TBC1D22A: variants seen among roughly 807,000 people sequenced by gnomAD.
TBC1D22A encodes TBC1 domain family member 22A.
In TBC1D22A, 38 loss-of-function variants were observed where a neutral mutation model predicts 60.2. That is an observed-to-expected ratio of 0.63 (90% CI 0.49 to 0.83). TBC1D22A has a LOEUF of 0.83. TBC1D22A is among the 40% of genes least tolerant of loss of function. The probability of loss-of-function intolerance (pLI) is 0.00; values close to 1 mark genes in which losing one functional copy is unlikely to be tolerated. For synonymous variants in TBC1D22A, 302 were observed against 281.7 expected (o/e 1.07, Z -0.72); for missense variants, 628 against 701.0 (o/e 0.90, Z 1.18).
chr22:46,959,746 C>A (rs943119931), intron 8 of TBC1D22A, among the ~76,000 whole-genome samples: 3 of 152,188 alleles, frequency 2.0e-5, no homozygotes, highest in Admixed American at 6.5e-5. Flanking sequence ...CAGCCTGGCA[C>A]CCGTCAGTTC....
chr22:47,159,674 CAT>C (rs1207438252), intron 12 of TBC1D22A, among the ~76,000 whole-genome samples: 2 of 151,736 alleles, frequency 1.3e-5, no homozygotes, highest in East Asian at 3.9e-4. Flanking sequence ...CACACATGCA[CAT>C]AGACACGCCA....
rs2147262512 is a variant in TBC1D22A at position 46,848,085 on chromosome 22, G to T, written c.638-30568G>T. On this transcript the variant is annotated intron_variant, in intron 4 of 12. Coordinates refer to ENST00000337137, the MANE Select transcript of TBC1D22A (RefSeq NM_014346.5). ...GGGTTGGGAAACTATTAAATAGTTG[G>T]GAGAGTGATCTAAGTTAGTTGGATG... 1.3e-5 allele frequency among the ~76,000 whole-genome samples: 2 copies of T among 152,342 alleles called. 1 individual carries two copies. The highest frequency in any genetic ancestry group is 4.1e-4 in the South Asian group (2 of 4,828).
intron 4 of TBC1D22A, among the ~76,000 whole-genome samples, chr22:46,829,066 C>T (rs552217018): frequency 6.6e-6 from 1 of 152,346 alleles, no homozygotes; most frequent in East Asian, 1.9e-4. Context: ...CTCCACATTT[C>T]TGCTGGTGGT....
intron 12 of TBC1D22A, among the ~76,000 whole-genome samples, chr22:47,127,898 G>A (rs903196421): frequency 1.3e-4 from 19 of 149,186 alleles, no homozygotes; most frequent in Admixed American, 1.1e-3. Context: ...GCCTTGAGGA[G>A]CCCCCTGAGG....
intron 1 of TBC1D22A, among the ~76,000 whole-genome samples, chr22:46,784,663 A>T (rs1273241563): frequency 2.6e-5 from 4 of 152,132 alleles, no homozygotes; most frequent in African/African-American, 9.7e-5. Flanking sequence ...CTTTTTTTTT[A>T]AAAAGGACAT....
intron 12 of TBC1D22A, among the ~76,000 whole-genome samples, chr22:47,123,481 G>A (rs762751750): frequency 2.0e-5 from 3 of 152,332 alleles, no homozygotes; most frequent in Middle Eastern, 3.4e-3. Context: ...GTCCATTGCT[G>A]TCTTGAGTCA....
In TBC1D22A at chr22:46,854,057, T is replaced by C. The variant is rs117392178; in HGVS notation, c.638-24596T>C. On this transcript the variant is annotated intron_variant, in intron 4 of 12. Transcript: ENST00000337137. ...GTGGACTCTTTCTCCTTCACACCCA[T>C]GTGCGTTTCTGGACTTCTTGTTTTA... 1.9e-3 allele frequency among the ~76,000 whole-genome samples: 290 copies of C among 152,246 alleles called. 7 individuals carry two copies. Among genetic ancestry groups the C allele is most frequent in the East Asian group, 0.012 (64 of 5,178 alleles).
rs1228900814 is a variant in TBC1D22A at position 47,080,026 on chromosome 22, G to T, written c.1330-31482G>T. Among the ~76,000 whole-genome samples, 4 of 152,308 alleles carry T rather than the reference G, an allele frequency of 2.6e-5. No individual in the cohort carries two copies. The South Asian group carries it at 8.3e-4, about 32-fold the overall frequency. Reference sequence around the variant, plus strand: ...AGACATACTTTGGCATACTACCACAGCTAAAGAAGGACTTTTTTCTTTTTT... The same window carrying T: ...AGACATACTTTGGCATACTACCACATCTAAAGAAGGACTTTTTTCTTTTTT... On this transcript the variant is annotated intron_variant, in intron 11 of 12. Transcript: ENST00000337137.
At chr22:47,047,352 C>T (rs1207042795) in intron 11 of TBC1D22A, among the ~76,000 whole-genome samples, 1 of 152,232 alleles carries the variant, frequency 6.6e-6, no homozygotes, top group Non-Finnish European at 1.5e-5. Flanking sequence ...TGAATTGTAT[C>T]TTTGTGGCCG....
rs6007984 is a variant in TBC1D22A, at chr22:46,886,905, A to G, written c.709-4361A>G. Among the ~76,000 whole-genome samples the G allele has an allele frequency of 5.9e-3, 900 of 152,336 alleles. 15 individuals are homozygous for G. The highest frequency in any genetic ancestry group is 0.02 in the African/African-American group (852 of 41,570). Reference sequence around the variant, plus strand: ...GTCCAGCAAAATTTTATTTACACAAATAGGTGGTGGGCCGTAGTTTGCTGA... The same window carrying G: ...GTCCAGCAAAATTTTATTTACACAAGTAGGTGGTGGGCCGTAGTTTGCTGA... On this transcript the variant is annotated intron_variant, in intron 5 of 12. Coordinates refer to ENST00000337137, the MANE Select transcript of TBC1D22A (RefSeq NM_014346.5).
chr22:46,819,052 A>G (rs1450350965), intron 4 of TBC1D22A, among the ~76,000 whole-genome samples: 5 of 152,156 alleles, frequency 3.3e-5, no homozygotes, highest in African/African-American at 9.7e-5. Flanking sequence ...GTTGGTGTAA[A>G]GGAATACTTG....
At chr22:47,172,955 C>G (rs2147242636) in intron 12 of TBC1D22A, among the ~76,000 whole-genome samples, 1 of 152,342 alleles carries the variant, frequency 6.6e-6, no homozygotes, top group Non-Finnish European at 1.5e-5. Flanking sequence ...GGTGCTGGTG[C>G]CCGGAGGGGT....
intron 3 of TBC1D22A, among the ~76,000 whole-genome samples, chr22:46,794,504 A>G: frequency 6.6e-6 from 1 of 152,156 alleles, no homozygotes; most frequent in East Asian, 1.9e-4. Flanking sequence ...TCTGTGATGG[A>G]AAAGCTGCAT....
intron 5 of TBC1D22A, among the ~76,000 whole-genome samples, chr22:46,880,486 T>C (rs996478415): frequency 6.6e-6 from 1 of 152,184 alleles, no homozygotes; most frequent in Admixed American, 6.5e-5. Context: ...CGTTGACTTA[T>C]GAAGGGACAG....
At chr22:47,096,399 C>A (rs182483832) in intron 11 of TBC1D22A, among the ~76,000 whole-genome samples, 1 of 152,168 alleles carries the variant, frequency 6.6e-6, no homozygotes, top group African/African-American at 2.4e-5. Context: ...GGATACGAAT[C>A]CTTTGTCAGT....
intron 8 of TBC1D22A, among the ~76,000 whole-genome samples, chr22:46,959,717 C>T (rs1284726526): frequency 5.3e-5 from 8 of 152,154 alleles, no homozygotes; most frequent in African/African-American, 1.4e-4. Context: ...AGCCCAGCCG[C>T]GCCTCCTGGC....
intron 7 of TBC1D22A, among the ~76,000 whole-genome samples, chr22:46,895,578 G>A (rs1375836916): frequency 6.6e-6 from 1 of 152,108 alleles, no homozygotes; most frequent in African/African-American, 2.4e-5. Context: ...TGCCTTGTTG[G>A]CCAGGCTGGT....
intron 7 of TBC1D22A, among the ~76,000 whole-genome samples, chr22:46,906,649 C>T (rs1036463464): frequency 9.2e-5 from 14 of 152,182 alleles, no homozygotes; most frequent in Admixed American, 5.9e-4. Context: ...AAAGAAACAG[C>T]TCTCCACCTA....
intron 12 of TBC1D22A, among the ~76,000 whole-genome samples, chr22:47,113,725 C>A (rs544365331): frequency 6.6e-6 from 1 of 152,358 alleles, no homozygotes; most frequent in Non-Finnish European, 1.5e-5. Flanking sequence ...CAGACACACA[C>A]TGGCCGTGGG....
Sources: gnomAD v4.1 joint callset for allele counts (sites outside exome capture counted in the v4.1 genomes callset) on GRCh38, gnomAD v4.1.1 for gene constraint, MANE v1.5 for transcripts, NCBI Gene and HGNC (gene_info 2026-07-23, HGNC 2026-07-21) for gene names.